RRP1B: variants seen among roughly 807,000 people sequenced by gnomAD.
The protein encoded by RRP1B is ribosomal RNA processing protein 1 homolog B.
In RRP1B, 56 loss-of-function variants were observed where a neutral mutation model predicts 80.2. The ratio of observed to expected loss-of-function variants is 0.70; its 90% CI spans 0.56 to 0.87. RRP1B has a LOEUF of 0.87. RRP1B is among the 40% of genes least tolerant of loss of function. The pLI, the probability that RRP1B is intolerant of heterozygous loss-of-function variation, is 0.00. For synonymous variants in RRP1B, 351 were observed against 357.6 expected (o/e 0.98, Z 0.21); for missense variants, 807 against 939.8 (o/e 0.86, Z 1.85).
rs1186813117 is a variant in RRP1B, at chr21:43,676,339, A to G, written c.614+3A>G. ...AAAATTGCTGCGAAGACGAAGGAGT[A>G]AGTGATTCCCCTGTTCGTTCCTCCT... On this transcript the variant is annotated splice_donor_region_variant and intron_variant, in intron 7 of 15. Coordinates refer to ENST00000340648, the MANE Select transcript of RRP1B (RefSeq NM_015056.3). The G allele has an allele frequency of 6.2e-7, 1 of 1,606,912 alleles. No homozygotes were observed. The highest frequency in any genetic ancestry group is 1.7e-5 in the Admixed American group (1 of 59,670).
chr21:43,685,773 C>T lies in RRP1B; in HGVS notation c.993C>T (p.Phe331=), dbSNP rs1235746109. The T allele has an allele frequency of 3.2e-6, 5 of 1,559,508 alleles. No individual in the cohort carries two copies. The highest frequency in any genetic ancestry group is 2.5e-5 in the South Asian group (2 of 79,214). Residue 331 remains phenylalanine, a synonymous_variant, in exon 11 of 16, where the codon TTC becomes TTT. Coordinates refer to ENST00000340648, the MANE Select transcript of RRP1B (RefSeq NM_015056.3). The part of the protein sequence containing the change: ...RKRLSKLIKK[F]QDLSEGSSIS... ...TTTTTTATTTTTTTATTTTTAGATTCCAAGACCTTTCTGAAGGTGAGGCGC... is the reference window on the plus strand; with the variant it reads ...TTTTTTATTTTTTTATTTTTAGATTTCAAGACCTTTCTGAAGGTGAGGCGC...
At chr21:43,663,216 A>G (rs4818858) in intron 1 of RRP1B, among the ~76,000 whole-genome samples, 110,647 of 152,116 alleles carry the variant, frequency 0.73, 41,500 homozygotes, top group African/African-American at 0.91. Flanking sequence ...AAAACTTACT[A>G]ATATTTCACA....
intron 3 of RRP1B, 149 bp downstream of exon 3, chr21:43,672,514 G>A (rs530344279): frequency 1.5e-6 from 1 of 680,442 alleles, no homozygotes; most frequent in Non-Finnish European, 2.6e-6. Flanking sequence ...CTTGGTGAGA[G>A]GGCACAGTGT....
At chr21:43,683,446 C>T (rs1601758820) in intron 9 of RRP1B, 73 bp downstream of exon 9, 1 of 1,199,902 alleles carries the variant, frequency 8.3e-7, no homozygotes, top group East Asian at 2.4e-5. Flanking sequence ...ATTAGGGTCA[C>T]AGCTAGTTAA....
rs181634782 is a variant in RRP1B at position 43,677,883 on chromosome 21, A to G, written c.796+969A>G. Among the ~76,000 whole-genome samples, 313 of 152,092 alleles carry G rather than the reference A, an allele frequency of 2.1e-3. 1 individual carries two copies. The highest frequency in any genetic ancestry group is 3.3e-3 in the Non-Finnish European group (224 of 67,972). Reference sequence around the variant, plus strand: ...GTAGTATTCACGGTGTATATTCCGCATTTTCTTTGTCCACTCATTGGTCAA... The same window carrying G: ...GTAGTATTCACGGTGTATATTCCGCGTTTTCTTTGTCCACTCATTGGTCAA... On this transcript the variant is annotated intron_variant, in intron 8 of 15. Coordinates refer to ENST00000340648, the MANE Select transcript of RRP1B (RefSeq NM_015056.3).
At chr21:43,681,929 CA>C (rs1417261807) in intron 8 of RRP1B, among the ~76,000 whole-genome samples, 2 of 152,060 alleles carry the variant, frequency 1.3e-5, no homozygotes, top group Non-Finnish European at 2.9e-5. Flanking sequence ...GCGTCCTGGG[CA>C]ACAGAGCTAC....
At position 43,685,378 on chromosome 21, in the gene RRP1B, G is replaced by A. The variant is rs947030005; in HGVS notation, c.990-392G>A. Among the ~76,000 whole-genome samples the A allele has an allele frequency of 7.2e-5, 11 of 152,320 alleles. No homozygotes were observed. The South Asian group carries it at 2.1e-3, about 29-fold the overall frequency. On this transcript the variant is annotated intron_variant, in intron 10 of 15. Transcript: ENST00000340648. The stretch of plus-strand genomic sequence containing the variant: ...TTGTTTGTTCTAATGCACAAAAATT[G>A]TGTGAAGCAAAACATGGCTTCGCCT...
intron 1 of RRP1B, among the ~76,000 whole-genome samples, chr21:43,661,677 C>G (rs571314324): frequency 1.2e-4 from 19 of 152,308 alleles, no homozygotes; most frequent in African/African-American, 4.6e-4. Context: ...GGTCATCTTC[C>G]TAAAACAAAT....
intron 8 of RRP1B, among the ~76,000 whole-genome samples, chr21:43,679,540 C>T (rs1253115218): frequency 2.6e-5 from 4 of 152,050 alleles, no homozygotes; most frequent in Non-Finnish European, 5.9e-5. Flanking sequence ...CCCAAAGTGC[C>T]GGGATTACAG....
intron 1 of RRP1B, among the ~76,000 whole-genome samples, chr21:43,662,107 G>A (rs774780543): frequency 1.2e-4 from 19 of 152,312 alleles, no homozygotes; most frequent in Non-Finnish European, 1.9e-4. Flanking sequence ...ACCGTAAAAG[G>A]TCTTGGCCTG....
At chr21:43,674,351 T>TTTG (rs1192096399) in intron 4 of RRP1B, among the ~76,000 whole-genome samples, 3 of 152,044 alleles carry the variant, frequency 2.0e-5, no homozygotes, top group African/African-American at 7.2e-5. Flanking sequence ...GAGATAAGGG[T>TTTG]TTGCCATGTT....
intron 1 of RRP1B, among the ~76,000 whole-genome samples, chr21:43,661,309 G>T (rs533829961): frequency 2.1e-4 from 32 of 152,040 alleles, no homozygotes; most frequent in South Asian, 1.5e-3. Flanking sequence ...TCTCTACCTG[G>T]CACCTCACAC....
At position 43,679,230 on chromosome 21, in the gene RRP1B, C is replaced by CTT. The variant is rs917598425; in HGVS notation, c.796+2326_796+2327dup. Among the ~76,000 whole-genome samples, 3 of 141,876 alleles carry CTT rather than the reference C, an allele frequency of 2.1e-5. No homozygotes were observed. The East Asian group carries it at 6.1e-4, about 29-fold the overall frequency. 93.1% of individuals were successfully genotyped at this position (141,876 alleles called of 152,430 possible). ...GAGGGTTTTTTGTTTTTTTGTGTGT[C>CTT]TTTTTTTTTTTGGTGTTTTGGTGTT... On this transcript the variant is annotated intron_variant, in intron 8 of 15. Coordinates refer to ENST00000340648, the MANE Select transcript of RRP1B (RefSeq NM_015056.3).
chr21:43,692,230 G>T (rs1338088658), intron 15 of RRP1B, among the ~76,000 whole-genome samples: 2 of 152,216 alleles, frequency 1.3e-5, no homozygotes, highest in African/African-American at 4.8e-5. Context: ...CGACAGAGAA[G>T]GGTAACCCCT....
chr21:43,685,656 A>G, intron 10 of RRP1B, 114 bp from the exon 11 acceptor site: 1 of 751,974 alleles, frequency 1.3e-6, no homozygotes, highest in Non-Finnish European at 1.9e-6. Context: ...ACAACTATTT[A>G]ACTATGGCTT....
chr21:43,679,230 C>CTTT (rs917598425), intron 8 of RRP1B, among the ~76,000 whole-genome samples: 1 of 141,898 alleles, frequency 7.0e-6, no homozygotes, highest in East Asian at 2.0e-4. Context: ...TTTTGTGTGT[C>CTTT]TTTTTTTTTT....
chr21:43,672,697 G>A lies in RRP1B; in HGVS notation c.271+332G>A, dbSNP rs115684715. ...GTTCGTCTTCCCCAAGAGCAGAGCCGTCACTGGTAATAAATACATAGAAGA... is the reference window on the plus strand; with the variant it reads ...GTTCGTCTTCCCCAAGAGCAGAGCCATCACTGGTAATAAATACATAGAAGA... On this transcript the variant is annotated intron_variant, in intron 3 of 15. Transcript: ENST00000340648. Among the ~76,000 whole-genome samples the A allele has an allele frequency of 9.2e-3, 1,403 of 152,280 alleles. 24 individuals carry two copies. Among genetic ancestry groups the A allele is most frequent in the African/African-American group, 0.03 (1,266 of 41,546 alleles).
chr21:43,660,555 T>C (rs2082948954), intron 1 of RRP1B, among the ~76,000 whole-genome samples: 1 of 151,792 alleles, frequency 6.6e-6, no homozygotes, highest in Non-Finnish European at 1.5e-5. Flanking sequence ...AGAGCGAAAC[T>C]CCGTCTCAAA....
At chr21:43,686,409 TG>T (rs2083063233) in intron 11 of RRP1B, 1 of 178,128 alleles carries the variant, frequency 5.6e-6, no homozygotes, top group Non-Finnish European at 1.2e-5. Context: ...TTATGGTCAA[TG>T]GTCCCCCCGG....
Sources: allele counts gnomAD v4.1 joint callset (sites outside exome capture counted in the v4.1 genomes callset), GRCh38; gene constraint gnomAD v4.1.1; transcripts MANE v1.5; gene names NCBI Gene and HGNC (gene_info 2026-07-23, HGNC 2026-07-21).